ACBD6: variants seen among roughly 807,000 people sequenced by gnomAD.
ACBD6 encodes the protein acyl-CoA-binding domain-containing protein 6.
Under a neutral mutation model 37.2 loss-of-function variants are expected in ACBD6, and 28 were observed. The observed-to-expected ratio is 0.75, with a 90% confidence interval of 0.56 to 1.03. The LOEUF is 1.03. Among genes scored for constraint, ACBD6 ranks in the 50% least tolerant of loss-of-function variants. The probability of loss-of-function intolerance (pLI) is 0.00; values close to 1 mark genes in which losing one functional copy is unlikely to be tolerated. For missense variants in ACBD6, 340 were observed against 337.4 expected (o/e 1.01, Z -0.06); for synonymous variants, 113 against 126.8 (o/e 0.89, Z 0.73).
chr1:180,288,873 A>G (rs1042565644), intron 7 of ACBD6, among the ~76,000 whole-genome samples: 7 of 152,220 alleles, frequency 4.6e-5, no homozygotes, highest in African/African-American at 1.7e-4. Context: ...GAATAATGAT[A>G]CATGTGCAGG....
chr1:180,462,162 G>A (rs372512359), intron 3 of ACBD6, among the ~76,000 whole-genome samples: 9 of 152,228 alleles, frequency 5.9e-5, no homozygotes, highest in East Asian at 1.9e-4. Flanking sequence ...ACTTGAACTC[G>A]GGAAGCAGAG....
chr1:180,501,215 T>C (rs1331359764), intron 1 of ACBD6, among the ~76,000 whole-genome samples: 1 of 152,208 alleles, frequency 6.6e-6, no homozygotes, highest in Non-Finnish European at 1.5e-5. Context: ...TGTTCATAGC[T>C]CTAAAATTTT....
chr1:180,409,909 A>G (rs752088870), intron 5 of ACBD6, among the ~76,000 whole-genome samples: 17 of 152,264 alleles, frequency 1.1e-4, no homozygotes, highest in Non-Finnish European at 2.1e-4. Context: ...AAACCAACAC[A>G]GGCCAAAAGC....
At chr1:180,501,954 C>T (rs1386671913) in intron 1 of ACBD6, 91 bp downstream of exon 1, 1 of 1,258,448 alleles carries the variant, frequency 7.9e-7, no homozygotes, top group Non-Finnish European at 1.1e-6. Context: ...TTCATTACAC[C>T]TAGCTATTAA....
At chr1:180,355,102 C>T (rs1193268362) in intron 6 of ACBD6, among the ~76,000 whole-genome samples, 2 of 152,322 alleles carry the variant, frequency 1.3e-5, no homozygotes, top group East Asian at 1.9e-4. Context: ...ATGCTGTTTA[C>T]CGCACTAGGC....
chr1:180,487,269 C>T (rs1377147773), intron 3 of ACBD6, among the ~76,000 whole-genome samples: 1 of 152,084 alleles, frequency 6.6e-6, no homozygotes, highest in East Asian at 1.9e-4. Flanking sequence ...CCTCCTTTAT[C>T]CACAGTTTCA....
intron 6 of ACBD6, among the ~76,000 whole-genome samples, chr1:180,327,070 C>T (rs375502797): frequency 6.6e-6 from 1 of 152,156 alleles, no homozygotes; most frequent in African/African-American, 2.4e-5. Flanking sequence ...TCTCTAAGCC[C>T]ACCGCAGCAC....
At chr1:180,493,275 AAAACAAC>A (rs1240544059) in intron 2 of ACBD6, among the ~76,000 whole-genome samples, 1 of 137,730 alleles carries the variant, frequency 7.3e-6, no homozygotes, top group East Asian at 2.0e-4. Context: ...AAAAAAAAAA[AAAACAAC>A]AACAGCAACT....
chr1:180,327,481 T>C (rs761510048), intron 6 of ACBD6, among the ~76,000 whole-genome samples: 14 of 152,232 alleles, frequency 9.2e-5, no homozygotes, highest in Non-Finnish European at 2.1e-4. Context: ...AACCAGGTAC[T>C]GTGATTGCTC....
chr1:180,480,635 C>G (rs1368031555), intron 3 of ACBD6, among the ~76,000 whole-genome samples: 1 of 152,032 alleles, frequency 6.6e-6, no homozygotes, highest in Non-Finnish European at 1.5e-5. Context: ...AAACTCAAAG[C>G]CAAAAAGGCA....
intron 3 of ACBD6, among the ~76,000 whole-genome samples, chr1:180,464,813 G>A (rs1650284781): frequency 6.6e-6 from 1 of 152,134 alleles, no homozygotes; most frequent in Non-Finnish European, 1.5e-5. Flanking sequence ...GACCAAAACA[G>A]CATGGTACTT....
intron 7 of ACBD6, among the ~76,000 whole-genome samples, chr1:180,297,383 G>C (rs1041423534): frequency 6.6e-6 from 1 of 152,164 alleles, no homozygotes; most frequent in Admixed American, 6.5e-5. Flanking sequence ...AAAGTGGAGG[G>C]TAGATTTTTT....
Position 180,314,537 on chromosome 1 carries a change from G to A in ACBD6, c.694+155C>T, listed in dbSNP as rs543938479. Among the ~76,000 whole-genome samples the A allele has an allele frequency of 7.2e-5, 11 of 152,252 alleles. No homozygotes were observed. In the South Asian group the frequency reaches 2.3e-3, roughly 32 times the overall value. On this transcript the variant is annotated intron_variant, in intron 7 of 7. Coordinates refer to ENST00000367595, the MANE Select transcript of ACBD6 (RefSeq NM_032360.4). ...TGGGATTACAGGTGTGAGCCCTCAC[G>A]CCCGGCCTAATACATTTTTTTGAAC... is the stretch of plus-strand genomic sequence containing the variant.
intron 6 of ACBD6, among the ~76,000 whole-genome samples, chr1:180,318,967 C>T (rs993607815): frequency 6.6e-5 from 10 of 152,122 alleles, no homozygotes; most frequent in African/African-American, 2.2e-4. Context: ...CTTGTCTATG[C>T]ATTTAAAGAG....
chr1:180,398,640 T>A (rs967170829), intron 5 of ACBD6, among the ~76,000 whole-genome samples: 4 of 152,186 alleles, frequency 2.6e-5, no homozygotes, highest in Admixed American at 6.5e-5. Context: ...TCACAGTTAC[T>A]ATTACGTGTG....
intron 7 of ACBD6, among the ~76,000 whole-genome samples, chr1:180,297,290 C>T (rs1649956322): frequency 6.6e-6 from 1 of 152,084 alleles, no homozygotes; most frequent in Admixed American, 6.5e-5. Context: ...TTTTGTGATC[C>T]TTTACATTAC....
chr1:180,446,311 C>A (rs1472468702), intron 3 of ACBD6, among the ~76,000 whole-genome samples: 1 of 151,958 alleles, frequency 6.6e-6, no homozygotes, highest in Non-Finnish European at 1.5e-5. Flanking sequence ...CCACACCCAG[C>A]CTTAAGTGTA....
At chr1:180,493,404 T>A (rs921026938) in intron 2 of ACBD6, among the ~76,000 whole-genome samples, 10 of 152,054 alleles carry the variant, frequency 6.6e-5, no homozygotes, top group African/African-American at 2.4e-4. Flanking sequence ...CACAACAGGC[T>A]GCCAGGACAG....
intron 4 of ACBD6, among the ~76,000 whole-genome samples, chr1:180,427,081 G>A (rs1438381195): frequency 6.6e-6 from 1 of 152,168 alleles, no homozygotes; most frequent in Non-Finnish European, 1.5e-5. Flanking sequence ...GTAGAAAGCA[G>A]GAAGCAAGCT....
Sources: gnomAD v4.1 joint callset for allele counts (sites outside exome capture counted in the v4.1 genomes callset) on GRCh38, gnomAD v4.1.1 for gene constraint, MANE v1.5 for transcripts, NCBI Gene and HGNC (gene_info 2026-07-23, HGNC 2026-07-21) for gene names.